The following MCCC1 variants were observed in gnomAD, a reference collection of about 807,000 sequenced individuals.
MCCC1 encodes the protein methylcrotonyl-CoA carboxylase subunit 1, also known as methylcrotonoyl-CoA carboxylase subunit alpha, mitochondrial.
MCCC1 carries 64 observed loss-of-function variants against 83.8 expected under a neutral mutation model. That is an observed-to-expected ratio of 0.76 (90% CI 0.62 to 0.94). The LOEUF (loss-of-function observed/expected upper bound fraction) is 0.94, where lower values mean the gene tolerates loss of function less well. MCCC1 is among the 40% of genes least tolerant of loss of function. The pLI, the probability that MCCC1 is intolerant of heterozygous loss-of-function variation, is 0.00. For synonymous variants in MCCC1, 322 were observed against 315.4 expected (o/e 1.02, Z -0.22); for missense variants, 807 against 904.7 (o/e 0.89, Z 1.39).
Position 183,057,604 on chromosome 3 carries a change from T to A in MCCC1, c.762-182A>T, listed in dbSNP as rs74655374. 0.029 allele frequency among the ~76,000 whole-genome samples: 4,455 copies of A among 152,234 alleles called. 224 individuals carry two copies. The highest frequency in any genetic ancestry group is 0.1 in the African/African-American group (4,258 of 41,536). On this transcript the variant is annotated intron_variant, in intron 7 of 18. Coordinates refer to ENST00000265594, the MANE Select transcript of MCCC1 (RefSeq NM_020166.5). ...CTTAGAAAAAGAACCACAGGCCAAATGAGACGGCTCATGCCCGTAATCCCA... is the reference window on the plus strand; with the variant it reads ...CTTAGAAAAAGAACCACAGGCCAAAAGAGACGGCTCATGCCCGTAATCCCA...
At chr3:183,033,186 A>C (rs1450581169) in intron 14 of MCCC1, among the ~76,000 whole-genome samples, 1 of 152,266 alleles carries the variant, frequency 6.6e-6, no homozygotes, top group Non-Finnish European at 1.5e-5. Flanking sequence ...CCAAAAGTTT[A>C]TAAACTGCCT....
chr3:183,113,075 T>A (rs1056294350), intron 1 of MCCC1, among the ~76,000 whole-genome samples: 2 of 151,502 alleles, frequency 1.3e-5, no homozygotes, highest in Non-Finnish European at 2.9e-5. Flanking sequence ...AATACAAAAA[T>A]TAGCTGGGCG....
chr3:183,026,623 T>C (rs1411857197), intron 14 of MCCC1, among the ~76,000 whole-genome samples: 1 of 151,950 alleles, frequency 6.6e-6, no homozygotes, highest in African/African-American at 2.4e-5. Context: ...GGTAGGAGAA[T>C]AGCTTGAACC....
At chr3:183,036,920 G>T (rs192903142) in intron 13 of MCCC1, among the ~76,000 whole-genome samples, 3 of 152,146 alleles carry the variant, frequency 2.0e-5, no homozygotes, top group East Asian at 3.9e-4. Context: ...TGATCCAGCC[G>T]CCCTGGCCTC....
At chr3:183,100,247 C>T (rs190392310), upstream of MCCC1, among the ~76,000 whole-genome samples, 1 of 152,158 alleles carries the variant, frequency 6.6e-6, no homozygotes, top group South Asian at 2.1e-4. Context: ...TTGTAAGATG[C>T]TAATTTTGCT....
At position 183,094,540 on chromosome 3, in the gene MCCC1, C is replaced by A. The variant is rs1057522772; in HGVS notation, c.136+19G>T. 4 of 1,613,774 alleles carry A rather than the reference C, an allele frequency of 2.5e-6. No homozygotes were observed. The highest frequency in any genetic ancestry group is 1.6e-4 in the Middle Eastern group (1 of 6,062). ...CAGTCTGAAGCAAAATCAAATAGAA[C>A]AACAAAGTCTGTCAGTACCTGTGGC... On this transcript the variant is annotated intron_variant, in intron 2 of 18. Coordinates refer to ENST00000265594, the MANE Select transcript of MCCC1 (RefSeq NM_020166.5).
At chr3:183,023,577 A>G (rs576845809) in intron 15 of MCCC1, among the ~76,000 whole-genome samples, 19 of 152,330 alleles carry the variant, frequency 1.2e-4, no homozygotes, top group Middle Eastern at 3.4e-3. Flanking sequence ...AACCAGAGGC[A>G]TTAATATGAA....
At chr3:183,098,862 T>C in intron 1 of MCCC1, 1 of 175,800 alleles carries the variant, frequency 5.7e-6, no homozygotes. Flanking sequence ...CCAGGAGTCT[T>C]TCTCTGAACT....
chr3:183,059,548 T>C (rs935047114), intron 7 of MCCC1, among the ~76,000 whole-genome samples: 4 of 152,224 alleles, frequency 2.6e-5, no homozygotes, highest in African/African-American at 9.6e-5. Context: ...TAGGAAAATA[T>C]TCCTATGTTA....
chr3:183,070,687 C>T (rs1226215162), intron 7 of MCCC1, among the ~76,000 whole-genome samples: 1 of 151,124 alleles, frequency 6.6e-6, no homozygotes, highest in Admixed American at 6.6e-5. Flanking sequence ...GAGCCGAGAT[C>T]GTGCCACTGC....
upstream of MCCC1, among the ~76,000 whole-genome samples, chr3:183,101,213 C>T (rs538728744): frequency 6.6e-5 from 10 of 152,386 alleles, no homozygotes; most frequent in African/African-American, 2.4e-4. Flanking sequence ...GCCCAAGCCT[C>T]CCCGATGAGC....
At chr3:183,116,069 A>G (rs578111) in exon 1 of MCCC1, 136,141 of 152,422 alleles carry the variant, frequency 0.89, 61,026 homozygotes, top group Non-Finnish European at 0.93. Context: ...AACCCTCAGA[A>G]GCCTCCAATT....
chr3:183,027,895 A>G (rs1405420923), intron 14 of MCCC1, among the ~76,000 whole-genome samples: 1 of 152,218 alleles, frequency 6.6e-6, no homozygotes, highest in Non-Finnish European at 1.5e-5. Context: ...AAGTGCTGAC[A>G]GAGGAGCTGC....
At chr3:183,111,228 A>G (rs555827620) in intron 1 of MCCC1, among the ~76,000 whole-genome samples, 35 of 152,308 alleles carry the variant, frequency 2.3e-4, no homozygotes, top group African/African-American at 8.4e-4. Flanking sequence ...GGGAACCCCA[A>G]TGCAATACGC....
chr3:183,085,591 T>G (rs1366269312), intron 4 of MCCC1, among the ~76,000 whole-genome samples: 1 of 140,446 alleles, frequency 7.1e-6, no homozygotes, highest in South Asian at 2.2e-4. Flanking sequence ...ATTGTGCCAC[T>G]GCACTGCAGC....
At chr3:183,019,393 A>G (rs1314867833) in intron 17 of MCCC1, among the ~76,000 whole-genome samples, 1 of 152,218 alleles carries the variant, frequency 6.6e-6, no homozygotes, top group Non-Finnish European at 1.5e-5. Flanking sequence ...GCAGGTGATT[A>G]GGTCATGAGG....
intron 1 of MCCC1, among the ~76,000 whole-genome samples, chr3:183,108,127 GAA>G (rs1252077845): frequency 2.0e-5 from 3 of 152,180 alleles, no homozygotes; most frequent in African/African-American, 7.2e-5. Context: ...TGACAAGGAA[GAA>G]AAAGTGTGTT....
chr3:183,055,518 C>T (rs1553858850), intron 8 of MCCC1, among the ~76,000 whole-genome samples: 1 of 152,194 alleles, frequency 6.6e-6, no homozygotes, highest in East Asian at 1.9e-4. Flanking sequence ...AATTTCTATG[C>T]ATTGCAGATA....
intron 8 of MCCC1, among the ~76,000 whole-genome samples, chr3:183,056,132 C>T (rs951410475): frequency 5.9e-5 from 9 of 152,016 alleles, no homozygotes; most frequent in South Asian, 2.1e-4. Flanking sequence ...TAAGTAATCA[C>T]GACTTGAAAA....
Sources: allele counts gnomAD v4.1 joint callset (sites outside exome capture counted in the v4.1 genomes callset), GRCh38; gene constraint gnomAD v4.1.1; transcripts MANE v1.5; gene names NCBI Gene and HGNC (gene_info 2026-07-23, HGNC 2026-07-21).